The following MTIF2 variants were observed in gnomAD, a reference collection of about 807,000 sequenced individuals.
MTIF2 encodes the protein translation initiation factor IF-2, mitochondrial.
In MTIF2, 71 loss-of-function variants were observed where a neutral mutation model predicts 83.5. That is an observed-to-expected ratio of 0.85 (90% confidence interval 0.70 to 1.04). The LOEUF is 1.04. Ranked by LOEUF, MTIF2 falls within the 50% of genes least tolerant of loss-of-function variation. The pLI is 0.00. For synonymous variants in MTIF2, 319 were observed against 287.1 expected (o/e 1.11, Z -1.12); for missense variants, 957 against 846.5 (o/e 1.13, Z -1.62).
chr2:55,252,336 G>T (rs943174812), intron 8 of MTIF2, 141 bp downstream of exon 8: 12 of 724,746 alleles, frequency 1.7e-5, no homozygotes, highest in Non-Finnish European at 2.7e-5. Flanking sequence ...AAGTCTGTGG[G>T]AAAACAATTT....
intron 5 of MTIF2, among the ~76,000 whole-genome samples, chr2:55,255,188 A>G (rs1216833250): frequency 1.3e-5 from 2 of 151,478 alleles, no homozygotes; most frequent in Non-Finnish European, 2.9e-5. Context: ...GTGTGTGTGT[A>G]TATACAATCA....
intron 2 of MTIF2, among the ~76,000 whole-genome samples, 191 bp downstream of exon 2, chr2:55,268,387 G>A (rs541612813): frequency 4.6e-5 from 7 of 152,134 alleles, no homozygotes; most frequent in African/African-American, 1.7e-4. Flanking sequence ...AGGTAACACA[G>A]GATTCCTTGA....
intron 5 of MTIF2, among the ~76,000 whole-genome samples, chr2:55,257,817 G>A (rs184673714): frequency 6.6e-6 from 1 of 152,064 alleles, no homozygotes; most frequent in African/African-American, 2.4e-5. Flanking sequence ...GTTTTCTGAG[G>A]CAGGGTCTCA....
rs995302064 is a variant in MTIF2 at position 55,242,829 on chromosome 2, T to C, written c.1705+111A>G. Reference sequence around the variant, plus strand: ...GACTGGACTATAGCAGGAAGGGTGATGCTGATAGCAGTAAATGTCAGGTGT... The same window carrying C: ...GACTGGACTATAGCAGGAAGGGTGACGCTGATAGCAGTAAATGTCAGGTGT... On this transcript the variant is annotated intron_variant, in intron 13 of 15. Transcript: ENST00000263629. 13 of 1,091,620 alleles carry C rather than the reference T, an allele frequency of 1.2e-5. No individual in the cohort carries two copies. In the African/African-American group the frequency reaches 1.7e-4, roughly 15 times the overall value. The allele number at this position is 1,091,620 out of a possible 1,614,324, so 67.6% of individuals were successfully genotyped here.
chr2:55,261,688 C>T (rs1227791866), intron 5 of MTIF2, among the ~76,000 whole-genome samples: 1 of 151,656 alleles, frequency 6.6e-6, no homozygotes, highest in Admixed American at 6.6e-5. Flanking sequence ...CCTATAATCC[C>T]AGCACTTTGG....
At position 55,263,673 on chromosome 2, in the gene MTIF2, A is replaced by T; in HGVS notation, c.186T>A (p.Ala62=). 6.2e-7 allele frequency: 1 copy of T among 1,614,132 alleles called. No individual in the cohort carries two copies. The highest frequency in any genetic ancestry group is 8.5e-7 in the Non-Finnish European group (1 of 1,180,016). ...TTACTAGAAGCCTATACTGAGATAA[A>T]GCAGCCCCAGTGAGCACATCTGTTG... ...PWPTDVLTGA[A]LSQYRLLVTK... is the part of the protein sequence containing the mutation. Residue 62 remains alanine, a synonymous_variant, in exon 4 of 16, where the codon GCT becomes GCA. Coordinates refer to ENST00000263629, the MANE Select transcript of MTIF2 (RefSeq NM_002453.3).
rs776515596 is a variant in MTIF2, at chr2:55,236,766, C to A, written c.2066G>T (p.Gly689Val). 1 of 1,610,336 alleles carries A rather than the reference C, an allele frequency of 6.2e-7. No individual in the cohort carries two copies. The highest frequency in any genetic ancestry group is 1.3e-5 in the African/African-American group (1 of 74,884). ...ATCTAAACTGAGACCACAATCCATT[C>A]CCGTTTTGACAATTGAAATGTCATC... Reference protein sequence around the residue: ...HKDDISIVKTGMDCGLSLDED... With the variant: ...HKDDISIVKTVMDCGLSLDED... Residue 689 changes from glycine (G) to valine (V), a missense_variant, in exon 16 of 16, where the codon GGA (glycine) becomes GTA (valine). Around this residue, in one of 3 missense-constraint regions of MTIF2, gnomAD observed 221 missense variants for 180.6 expected, o/e 1.22. Transcript: ENST00000263629.
intron 5 of MTIF2, among the ~76,000 whole-genome samples, chr2:55,261,336 G>T (rs1369272928): frequency 2.6e-5 from 4 of 152,094 alleles, no homozygotes; most frequent in Non-Finnish European, 5.9e-5. Flanking sequence ...TGGGCATGGT[G>T]GGATCACGCC....
At position 55,249,692 on chromosome 2, in the gene MTIF2, C is replaced by G. The variant is rs572239691; in HGVS notation, c.842-158G>C. Among the ~76,000 whole-genome samples the G allele has an allele frequency of 3.9e-5, 6 of 152,248 alleles. No homozygotes were observed. The East Asian group carries it at 1.2e-3, about 29-fold the overall frequency. Reference sequence around the variant, plus strand: ...AATGACCCACTTTAGAGTCACATCACCCTACTCTGCGCTCTACATATAGAG... The same window carrying G: ...AATGACCCACTTTAGAGTCACATCAGCCTACTCTGCGCTCTACATATAGAG... On this transcript the variant is annotated intron_variant, in intron 8 of 15. Coordinates refer to ENST00000263629, the MANE Select transcript of MTIF2 (RefSeq NM_002453.3).
At chr2:55,242,005 G>C (rs534432476) in intron 13 of MTIF2, among the ~76,000 whole-genome samples, 1 of 151,928 alleles carries the variant, frequency 6.6e-6, no homozygotes, top group Non-Finnish European at 1.5e-5. Context: ...AATTAGCCAG[G>C]CATGGTGGTG....
intron 5 of MTIF2, among the ~76,000 whole-genome samples, chr2:55,258,806 T>C (rs1360698898): frequency 3.0e-5 from 4 of 131,766 alleles, no homozygotes; most frequent in Non-Finnish European, 1.6e-5. Flanking sequence ...AGCAAGCCTC[T>C]GTCTCAAAAA....
At chr2:55,260,890 A>G (rs1677916751) in intron 5 of MTIF2, among the ~76,000 whole-genome samples, 1 of 152,228 alleles carries the variant, frequency 6.6e-6, no homozygotes, top group South Asian at 2.1e-4. Context: ...TAAATTGGTA[A>G]TAAGCACATC....
In MTIF2 at chr2:55,252,471, C is replaced by CTTA. The variant is rs757191029; in HGVS notation, c.841+5_841+6insTAA. 1 of 1,613,026 alleles carries CTTA rather than the reference C, an allele frequency of 6.2e-7. No homozygotes were observed. Among genetic ancestry groups the CTTA allele is most frequent in the Non-Finnish European group, 8.5e-7 (1 of 1,179,182 alleles). Reference sequence around the variant, plus strand: ...TAGTAGATCCATTAAGTCAGCCACACAGTACCCTGTGCATCTTTGGCATGC... The same window carrying CTTA: ...TAGTAGATCCATTAAGTCAGCCACACTTAAGTACCCTGTGCATCTTTGGCATGC... On this transcript the variant is annotated splice_donor_region_variant and intron_variant, in intron 8 of 15. Coordinates refer to ENST00000263629, the MANE Select transcript of MTIF2 (RefSeq NM_002453.3).
chr2:55,246,366 T>C lies in MTIF2; in HGVS notation c.1077A>G (p.Val359=), dbSNP rs1676700951. The C allele has an allele frequency of 3.7e-6, 6 of 1,613,986 alleles. No individual in the cohort carries two copies. The highest frequency in any genetic ancestry group is 4.5e-5 in the East Asian group (2 of 44,848). The stretch of plus-strand genomic sequence containing the variant: ...TTCCTTTGTCTGTGAAAGACTCTAT[T>C]ACTGTTCCTTCCACTGGACCATTGG... ...ADPNGPVEGT[V]IESFTDKGRG... The change falls in exon 10 of 16, where the codon GTA becomes GTG. Residue 359 remains valine (V), a synonymous_variant. Coordinates refer to ENST00000263629, the MANE Select transcript of MTIF2 (RefSeq NM_002453.3).
At chr2:55,253,973 C>T (rs992791801) in intron 7 of MTIF2, 68 bp downstream of exon 7, 3 of 1,510,348 alleles carry the variant, frequency 2.0e-6, no homozygotes, top group Non-Finnish European at 1.8e-6. Flanking sequence ...ATATTTCATA[C>T]TATGACATTT....
At chr2:55,263,609 C>G (rs1480884418) in intron 4 of MTIF2, 31 bp downstream of exon 4, 1 of 999,532 alleles carries the variant, frequency 1.0e-6, no homozygotes, top group African/African-American at 2.1e-5. Context: ...GACTCCATCT[C>G]AAAAAAAAAA....
Position 55,236,697 on chromosome 2 carries a change from T to C in MTIF2, c.2135A>G (p.Tyr712Cys), listed in dbSNP as rs1675838122. ...CTTGGCTTGAATTTGCTTTTCTTCA[T>C]AACAAACAATTCTGTCTCCCACTTG... ...EFQVGDRIVCYEEKQIQAKTS... is the reference protein window; with the variant it reads ...EFQVGDRIVCCEEKQIQAKTS... The change falls in exon 16 of 16, where the codon TAT becomes TGT. Residue 712 changes from tyrosine (Y) to cysteine (C), a missense_variant. By Grantham distance (194) the Tyr-to-Cys change is radical. Around this residue, in one of 3 missense-constraint regions of MTIF2, gnomAD observed 221 missense variants for 180.6 expected, o/e 1.22. Transcript: ENST00000263629. 4 of 1,604,830 alleles carry C rather than the reference T, an allele frequency of 2.5e-6. No homozygotes were observed. Among genetic ancestry groups the C allele is most frequent in the East Asian group, 2.2e-5 (1 of 44,562 alleles).
rs368610419 is a variant in MTIF2 at position 55,254,780 on chromosome 2, G to C, written c.377C>G (p.Ser126Ter). ...ALLNTDIDID[S>*]LEADSHLDEV... ...ATCTAAATGTGAGTCTGCTTCCAGT[G>C]AATCTATGTCAATATCAGTGTTCAA... is the stretch of plus-strand genomic sequence containing the variant. Residue 126 changes from serine (S) to a stop codon, truncating the protein, a stop_gained, in exon 6 of 16, where the codon TCA becomes TGA. Transcript: ENST00000263629. LOFTEE classifies it high-confidence loss of function. 1 of 1,608,450 alleles carries C rather than the reference G, an allele frequency of 6.2e-7. No individual in the cohort carries two copies.
At chr2:55,253,104 C>T (rs960236237) in intron 7 of MTIF2, among the ~76,000 whole-genome samples, 30 of 152,206 alleles carry the variant, frequency 2.0e-4, no homozygotes, top group African/African-American at 6.7e-4. Flanking sequence ...TGGCTATATA[C>T]TGTGGGAAAG....
Sources: gnomAD v4.1 joint callset for allele counts (sites outside exome capture counted in the v4.1 genomes callset) on GRCh38, gnomAD v4.1.1 for gene constraint, gnomAD v4.1.1 regional missense constraint, MANE v1.5 for transcripts, NCBI Gene and HGNC (gene_info 2026-07-23, HGNC 2026-07-21) for gene names.